The following TMEM204 variants were observed in gnomAD, a reference collection of about 807,000 sequenced individuals.
The protein encoded by TMEM204 is claudin-like protein 24.
TMEM204 carries 15 observed loss-of-function variants against 19.4 expected under a neutral mutation model. That is an observed-to-expected ratio of 0.77 (90% CI 0.52 to 1.19). TMEM204 has a LOEUF of 1.19. Among genes scored for constraint, TMEM204 ranks in the 50% most tolerant of loss-of-function variants. The pLI, the probability that TMEM204 is intolerant of heterozygous loss-of-function variation, is 0.00. For synonymous variants in TMEM204, 161 were observed against 146.0 expected (o/e 1.10, Z -0.74); for missense variants, 287 against 321.2 (o/e 0.89, Z 0.81).
Position 1,553,086 on chromosome 16 carries a change from G to T in TMEM204, c.437-1696G>T, listed in dbSNP as rs1387229605. ...CAGGACAAAATGGAGATAGATAAAT[G>T]CTTAATTCATACTTTCTGGAGGGTA... On this transcript the variant is annotated intron_variant, in intron 2 of 2. Coordinates refer to ENST00000566264, the MANE Select transcript of TMEM204 (RefSeq NM_024600.6). This position sits in a 1 kb window ranked among gnomAD's most constrained non-coding sequence, Gnocchi z 4.4. The T allele has an allele frequency of 3.0e-6, 3 of 985,294 alleles. No homozygotes were observed. Among genetic ancestry groups the T allele is most frequent in the East Asian group, 2.3e-4 (2 of 8,834 alleles). 61.0% of individuals were successfully genotyped at this position (985,294 alleles called of 1,614,324 possible). A position where few individuals can be genotyped will look rare whatever the true frequency, so the allele number is the denominator to read the frequency against.
At chr16:1,537,320 C>T (rs1262588890) in intron 1 of TMEM204, among the ~76,000 whole-genome samples, 1 of 152,238 alleles carries the variant, frequency 6.6e-6, no homozygotes, top group Non-Finnish European at 1.5e-5. Flanking sequence ...TGGATGTCTC[C>T]GGACGGCTCT....
intron 1 of TMEM204, among the ~76,000 whole-genome samples, chr16:1,540,066 C>A (rs536498636): frequency 6.6e-6 from 1 of 152,110 alleles, no homozygotes; most frequent in African/African-American, 2.4e-5. Context: ...GGTAGGACGG[C>A]GGGGGGACCC....
At chr16:1,532,124 G>A (rs982721081), upstream of TMEM204, 25 of 152,418 alleles carry the variant, frequency 1.6e-4, no homozygotes, top group African/African-American at 6.0e-4. Context: ...GGCACAGGCA[G>A]GAAGGGCTGG....
intron 2 of TMEM204, among the ~76,000 whole-genome samples, chr16:1,548,812 C>A (rs768449298): frequency 1.3e-5 from 2 of 152,226 alleles, no homozygotes; most frequent in Admixed American, 6.5e-5. Context: ...CACCTTCTTA[C>A]GCGCGTCTGG....
At chr16:1,542,134 C>T (rs976304253) in intron 2 of TMEM204, 58 bp downstream of exon 2, 2 of 1,498,558 alleles carry the variant, frequency 1.3e-6, no homozygotes, top group Admixed American at 2.2e-5. Flanking sequence ...CTTCTGGTGC[C>T]ACAGGAGGGT....
chr16:1,543,444 AAGT>A (rs2031845755), intron 2 of TMEM204, among the ~76,000 whole-genome samples: 1 of 152,220 alleles, frequency 6.6e-6, no homozygotes, highest in Non-Finnish European at 1.5e-5. Flanking sequence ...GGCCCTGGGC[AAGT>A]CACTTCCCCT....
intron 2 of TMEM204, chr16:1,554,073 T>A (rs747810959): frequency 2.5e-5 from 32 of 1,286,972 alleles, no homozygotes; most frequent in Non-Finnish European, 2.0e-5. Flanking sequence ...GGAAGGAAAA[T>A]CTGCCAGGGA....
In TMEM204 at chr16:1,553,302, G is replaced by A. The variant is rs956590312; in HGVS notation, c.437-1480G>A. 1.9e-5 allele frequency: 19 copies of A among 983,444 alleles called. No homozygotes were observed. Among genetic ancestry groups the A allele is most frequent in the Non-Finnish European group, 2.3e-5 (19 of 828,438 alleles). The allele number at this position is 983,444 out of a possible 1,614,324, so 60.9% of individuals were successfully genotyped here. A position where few individuals can be genotyped will look rare whatever the true frequency, so the allele number is the denominator to read the frequency against. On this transcript the variant is annotated intron_variant, in intron 2 of 2. Coordinates refer to ENST00000566264, the MANE Select transcript of TMEM204 (RefSeq NM_024600.6). This position sits in a 1 kb window ranked among gnomAD's most constrained non-coding sequence, Gnocchi z 4.4. Reference sequence around the variant, plus strand: ...TCTCTGTGTCTCTGCCTGTCTCTCTGTGTCTCTGTCTCTGTGTCTCTGTCC... The same window carrying A: ...TCTCTGTGTCTCTGCCTGTCTCTCTATGTCTCTGTCTCTGTGTCTCTGTCC...
intron 1 of TMEM204, among the ~76,000 whole-genome samples, chr16:1,535,536 C>T (rs2030976523): frequency 6.6e-6 from 1 of 152,196 alleles, no homozygotes; most frequent in African/African-American, 2.4e-5. Context: ...GAGGCAGTGC[C>T]TCTGCTCCAG....
upstream of TMEM204, among the ~76,000 whole-genome samples, chr16:1,529,151 G>A (rs531809818): frequency 1.3e-5 from 2 of 152,276 alleles, no homozygotes; most frequent in South Asian, 2.1e-4. Context: ...ACATGTACTC[G>A]GGTGAATTCC....
At chr16:1,541,079 C>T (rs1322645275) in intron 1 of TMEM204, 4 of 985,318 alleles carry the variant, frequency 4.1e-6, no homozygotes, top group African/African-American at 3.5e-5. Context: ...AACGCACCTC[C>T]CTCTGAAGTT....
At chr16:1,540,064 G>A (rs1436958315) in intron 1 of TMEM204, among the ~76,000 whole-genome samples, 5 of 152,176 alleles carry the variant, frequency 3.3e-5, no homozygotes, top group African/African-American at 7.2e-5. Flanking sequence ...TGGGTAGGAC[G>A]GCGGGGGGAC....
intron 2 of TMEM204, among the ~76,000 whole-genome samples, chr16:1,544,774 G>C (rs535825468): frequency 6.6e-6 from 1 of 151,298 alleles, no homozygotes; most frequent in Admixed American, 6.6e-5. Flanking sequence ...TCAGCCTCCC[G>C]AGTAGCTGGG....
At chr16:1,534,857 T>C (rs1306907573) in intron 1 of TMEM204, among the ~76,000 whole-genome samples, 1 of 152,208 alleles carries the variant, frequency 6.6e-6, no homozygotes, top group East Asian at 1.9e-4. Flanking sequence ...TTACACATAG[T>C]TAAGAGATGG....
At chr16:1,538,620 C>T (rs1033874972) in intron 1 of TMEM204, among the ~76,000 whole-genome samples, 2 of 152,170 alleles carry the variant, frequency 1.3e-5, no homozygotes, top group African/African-American at 4.8e-5. Context: ...TGTTTTAATG[C>T]CTCCCTCATT....
chr16:1,534,466 G>T lies in TMEM204; in HGVS notation c.191G>T (p.Arg64Ile). 6.2e-7 allele frequency: 1 copy of T among 1,611,192 alleles called. No homozygotes were observed. The highest frequency in any genetic ancestry group is 8.5e-7 in the Non-Finnish European group (1 of 1,179,852). The change falls in exon 1 of 3, where the codon AGA becomes ATA. Residue 64 changes from arginine to isoleucine, a missense_variant. Transcript: ENST00000566264. ...RTRGGPSPGA[R>I]AGQVDAHDCE... ...CGGGGAGGGCCGAGCCCTGGGGCCA[G>T]AGCCGGCCAGGTGGACGCACATGAC...
At position 1,553,839 on chromosome 16, in the gene TMEM204, G is replaced by T; in HGVS notation, c.437-943G>T. 1 of 1,213,890 alleles carries T rather than the reference G, an allele frequency of 8.2e-7. No homozygotes were observed. Among genetic ancestry groups the T allele is most frequent in the Non-Finnish European group, 1.0e-6 (1 of 952,654 alleles). 75.2% of individuals were successfully genotyped at this position (1,213,890 alleles called of 1,614,324 possible). A position where few individuals can be genotyped will look rare whatever the true frequency, so the allele number is the denominator to read the frequency against. On this transcript the variant is annotated intron_variant, in intron 2 of 2. Coordinates refer to ENST00000566264, the MANE Select transcript of TMEM204 (RefSeq NM_024600.6). The surrounding 1 kb of genome is among the most constrained non-coding windows in gnomAD (Gnocchi z 4.4). Reference sequence around the variant, plus strand: ...TAGGACGCCCGGCTCCATCGCTGCGGCCACAGTGTCCTGTTATCCTAGTTG... The same window carrying T: ...TAGGACGCCCGGCTCCATCGCTGCGTCCACAGTGTCCTGTTATCCTAGTTG...
In TMEM204 at chr16:1,533,879, G is replaced by A. The variant is rs2030773033; in HGVS notation, c.-397G>A. ...GCCGGTGCTAAGGAGTGTGGCGCGG[G>A]CTCGACTCCCACTGCTGCCGGCCTC... is the stretch of plus-strand genomic sequence containing the variant. On this transcript the variant is annotated 5_prime_UTR_variant, in exon 1 of 3. Transcript: ENST00000566264. The surrounding 1 kb of genome is among the most constrained non-coding windows in gnomAD (Gnocchi z 4.7). 1.8e-5 allele frequency: 5 copies of A among 282,196 alleles called. No homozygotes were observed. 17.5% of individuals were successfully genotyped at this position (282,196 alleles called of 1,614,324 possible). A position where few individuals can be genotyped will look rare whatever the true frequency, so the allele number is the denominator to read the frequency against.
upstream of TMEM204, among the ~76,000 whole-genome samples, chr16:1,529,414 T>C (rs1473724530): frequency 6.6e-6 from 1 of 152,310 alleles, no homozygotes; most frequent in South Asian, 2.1e-4. Context: ...AGCACCTGGG[T>C]GCACCCACTG....
Sources: allele counts gnomAD v4.1 joint callset (sites outside exome capture counted in the v4.1 genomes callset), GRCh38; gene constraint gnomAD v4.1.1; non-coding constraint Gnocchi (gnomAD v3.1); transcripts MANE v1.5; gene names NCBI Gene and HGNC (gene_info 2026-07-23, HGNC 2026-07-21).